Variants in WNT6 observed in about 807,000 individuals in gnomAD.
The protein encoded by WNT6 is Wnt family member 6, also known as protein Wnt-6.
WNT6 carries 27 observed loss-of-function variants against 33.1 expected under a neutral mutation model. The ratio of observed to expected loss-of-function variants is 0.82; its 90% CI spans 0.60 to 1.12. The LOEUF (loss-of-function observed/expected upper bound fraction) is 1.12, where lower values mean the gene tolerates loss of function less well. WNT6 is among the 50% of genes most tolerant of loss of function. The pLI, the probability that WNT6 is intolerant of heterozygous loss-of-function variation, is 0.00. For synonymous variants in WNT6, 249 were observed against 242.8 expected (o/e 1.03, Z -0.24); for missense variants, 494 against 535.3 (o/e 0.92, Z 0.76).
At chr2:218,862,629 C>T (rs542431259) in intron 1 of WNT6, among the ~76,000 whole-genome samples, 15 of 152,124 alleles carry the variant, frequency 9.9e-5, no homozygotes, top group African/African-American at 2.4e-4. Flanking sequence ...GTGATCTGCC[C>T]GCCTCGGCCT....
At position 218,871,374 on chromosome 2, in the gene WNT6, A is replaced by AAGG. The variant is rs1367252362; in HGVS notation, c.302-109_302-107dup. Reference sequence around the variant, plus strand: ...CCTCACATGTGTCTGGGCACCCTGCAAGGACCCTGCCTCCCAGGCCCCTGG... The same window carrying AAGG: ...CCTCACATGTGTCTGGGCACCCTGCAAGGAGGACCCTGCCTCCCAGGCCCCTGG... On this transcript the variant is annotated intron_variant, in intron 2 of 3. Transcript: ENST00000233948. The surrounding 1 kb of genome is among the most constrained non-coding windows in gnomAD (Gnocchi z 6.4). The AAGG allele has an allele frequency of 2.7e-6, 4 of 1,485,424 alleles. No individual in the cohort carries two copies. The Admixed American group carries it at 7.6e-5, about 28-fold the overall frequency. The allele number at this position is 1,485,424 out of a possible 1,614,324, so 92.0% of individuals were successfully genotyped here. A position where few individuals can be genotyped will look rare whatever the true frequency, so the allele number is the denominator to read the frequency against.
At chr2:218,861,244 C>G (rs1292049111) in intron 1 of WNT6, among the ~76,000 whole-genome samples, 2 of 152,138 alleles carry the variant, frequency 1.3e-5, no homozygotes, top group Non-Finnish European at 2.9e-5. Flanking sequence ...TGCGGAGAGC[C>G]GTCCGACGCT....
In WNT6 at chr2:218,873,943, A is replaced by C; in HGVS notation, c.*98A>C. 8.0e-7 allele frequency: 1 copy of C among 1,243,284 alleles called. No homozygotes were observed. The highest frequency in any genetic ancestry group is 1.7e-5 in the South Asian group (1 of 59,670). 77.0% of individuals were successfully genotyped at this position (1,243,284 alleles called of 1,614,324 possible). ...CGGGCGCCTCTCGCCGCTCGAGCCC[A>C]GCCTCTCCCTGCCAAAGCCCAACTC... On this transcript the variant is annotated 3_prime_UTR_variant, in exon 4 of 4. Coordinates refer to ENST00000233948, the MANE Select transcript of WNT6 (RefSeq NM_006522.4). The surrounding 1 kb of genome is among the most constrained non-coding windows in gnomAD (Gnocchi z 6.1).
rs997234763 is a variant in WNT6, at chr2:218,873,054, C to A, written c.637-330C>A. On this transcript the variant is annotated intron_variant, in intron 3 of 3. Transcript: ENST00000233948. The surrounding 1 kb of genome is among the most constrained non-coding windows in gnomAD (Gnocchi z 6.1). ...TAGACTTCGACAGCTGCCACCTCTC[C>A]CCTCCTCCAAAGAGAATCTCACCCC... 1.3e-5 allele frequency among the ~76,000 whole-genome samples: 2 copies of A among 152,064 alleles called. No homozygotes were observed. The highest frequency in any genetic ancestry group is 2.9e-5 in the Non-Finnish European group (2 of 67,994).
At position 218,873,825 on chromosome 2, in the gene WNT6, G is replaced by T; in HGVS notation, c.1078G>T (p.Glu360Ter). ...VQCHRCRVRKELSLCL is the reference protein window; with the variant it reads ...VQCHRCRVRK ...GTGCCACCGCTGCCGTGTGCGCAAGGAGCTCAGCCTCTGCCTGTGACCCGC... is the reference window on the plus strand; with the variant it reads ...GTGCCACCGCTGCCGTGTGCGCAAGTAGCTCAGCCTCTGCCTGTGACCCGC... Residue 360 changes from glutamate to a stop codon, truncating the protein, a stop_gained, in exon 4 of 4, where the codon GAG becomes TAG. Transcript: ENST00000233948. LOFTEE classifies it high-confidence loss of function. The surrounding 1 kb of genome is among the most constrained non-coding windows in gnomAD (Gnocchi z 6.1). 6.5e-7 allele frequency: 1 copy of T among 1,527,460 alleles called. No individual in the cohort carries two copies. The allele number at this position is 1,527,460 out of a possible 1,614,324, so 94.6% of individuals were successfully genotyped here. A position where few individuals can be genotyped will look rare whatever the true frequency, so the allele number is the denominator to read the frequency against.
chr2:218,866,729 T>C (rs1171761805), intron 1 of WNT6, among the ~76,000 whole-genome samples: 2 of 152,166 alleles, frequency 1.3e-5, no homozygotes, highest in Non-Finnish European at 1.5e-5. Flanking sequence ...TGCTAGGGAC[T>C]CACTCAACAT....
At chr2:218,862,203 G>C (rs1457427874) in intron 1 of WNT6, among the ~76,000 whole-genome samples, 1 of 152,154 alleles carries the variant, frequency 6.6e-6, no homozygotes, top group South Asian at 2.1e-4. Context: ...GGCGTGCCGG[G>C]TGAGGAGTGA....
At chr2:218,870,886 C>T in intron 1 of WNT6, 141 bp from the exon 2 acceptor site, 1 of 728,600 alleles carries the variant, frequency 1.4e-6, no homozygotes, top group South Asian at 1.8e-5. Context: ...CCAGACAGGA[C>T]AATCTCAAGC....
intron 3 of WNT6, among the ~76,000 whole-genome samples, chr2:218,872,486 C>T (rs566926634): frequency 2.6e-5 from 4 of 152,312 alleles, no homozygotes; most frequent in South Asian, 4.1e-4. Context: ...GCAGCCTCTC[C>T]TCTCCCCTCT....
intron 1 of WNT6, among the ~76,000 whole-genome samples, 154 bp downstream of exon 1, chr2:218,860,271 G>C (rs1037614018): frequency 7.9e-5 from 12 of 152,242 alleles, no homozygotes; most frequent in African/African-American, 2.9e-4. Context: ...ACTCCACTTC[G>C]ACGTTCCTAA....
rs1369314126 is a variant in WNT6 at position 218,860,096 on chromosome 2, C to T, written c.59C>T (p.Ala20Val). Residue 20 changes from alanine (A) to valine (V), a missense_variant, in exon 1 of 4, where the codon GCG (alanine) becomes GTG (valine). By Grantham distance (64) the Ala-to-Val change is moderately conservative. Transcript: ENST00000233948. ...CTGCTGCTGCTGCTCCTGTGCCCGG[C>T]GCACGTCGGCGGACTGTGGTGGTGA... The part of the protein sequence containing the change: ...GLLLLLLLCP[A>V]HVGGLWWAVG... 3 of 1,525,850 alleles carry T rather than the reference C, an allele frequency of 2.0e-6. No homozygotes were observed. The highest frequency in any genetic ancestry group is 2.6e-6 in the Non-Finnish European group (3 of 1,141,490). The allele number at this position is 1,525,850 out of a possible 1,614,324, so 94.5% of individuals were successfully genotyped here.
chr2:218,872,371 T>A (rs1023495399), intron 3 of WNT6, among the ~76,000 whole-genome samples: 1 of 151,816 alleles, frequency 6.6e-6, no homozygotes, highest in Non-Finnish European at 1.5e-5. Flanking sequence ...CTAGTGGAGG[T>A]TGGAGGGAGT....
intron 1 of WNT6, among the ~76,000 whole-genome samples, chr2:218,862,183 A>G (rs776809599): frequency 1.1e-4 from 16 of 152,154 alleles, no homozygotes; most frequent in Non-Finnish European, 2.2e-4. Context: ...CTTCATGGCC[A>G]CAGCTGCAGG....
chr2:218,863,777 A>G (rs191720905), intron 1 of WNT6, among the ~76,000 whole-genome samples: 3 of 152,286 alleles, frequency 2.0e-5, no homozygotes, highest in Non-Finnish European at 4.4e-5. Context: ...CGAACCTGGG[A>G]GGCTGAGGTT....
rs140404341 is a variant in WNT6, at chr2:218,871,197, G to A, written c.251G>A (p.Arg84His). 6.2e-7 allele frequency: 1 copy of A among 1,613,482 alleles called. No homozygotes were observed. Among genetic ancestry groups the A allele is most frequent in the African/African-American group, 1.3e-5 (1 of 75,054 alleles). ...RECQFQFRFR[R>H]WNCSSHSKAF... Reference sequence around the variant, plus strand: ...TGCCAGTTCCAGTTCCGCTTCCGCCGCTGGAATTGCTCCAGCCACAGCAAG... The same window carrying A: ...TGCCAGTTCCAGTTCCGCTTCCGCCACTGGAATTGCTCCAGCCACAGCAAG... Residue 84 changes from arginine (R) to histidine (H), a missense_variant, in exon 2 of 4, where the codon CGC (arginine) becomes CAC (histidine). Physicochemically the swap from Arg to His is conservative, Grantham distance 29 (BLOSUM62 0). Coordinates refer to ENST00000233948, the MANE Select transcript of WNT6 (RefSeq NM_006522.4). The surrounding 1 kb of genome is among the most constrained non-coding windows in gnomAD (Gnocchi z 6.4).
intron 1 of WNT6, among the ~76,000 whole-genome samples, chr2:218,864,376 C>T (rs1340324729): frequency 2.0e-5 from 3 of 152,148 alleles, no homozygotes; most frequent in Admixed American, 2.0e-4. Flanking sequence ...TCTCCTACCT[C>T]AGCCTCCTGA....
chr2:218,873,351 G>C lies in WNT6; in HGVS notation c.637-33G>C. 6.6e-7 allele frequency: 1 copy of C among 1,525,952 alleles called. No homozygotes were observed. The allele number at this position is 1,525,952 out of a possible 1,614,324, so 94.5% of individuals were successfully genotyped here. ...GGGCCCTTCCCTGCACCCCCTACCT[G>C]TCCACATGCGTCCGCCCCTCTGCCT... On this transcript the variant is annotated intron_variant, in intron 3 of 3. Transcript: ENST00000233948. The surrounding 1 kb of genome is among the most constrained non-coding windows in gnomAD (Gnocchi z 6.1).
Position 218,871,697 on chromosome 2 carries a change from T to C in WNT6, c.514T>C (p.Cys172Arg). 1.9e-6 allele frequency: 3 copies of C among 1,580,876 alleles called. No individual in the cohort carries two copies. Among genetic ancestry groups the C allele is most frequent in the Non-Finnish European group, 2.6e-6 (3 of 1,164,664 alleles). The change falls in exon 3 of 4, where the codon TGC becomes CGC. Residue 172 changes from cysteine to arginine, a missense_variant. By Grantham distance (180) the Cys-to-Arg change is radical (BLOSUM62 -3). Transcript: ENST00000233948. The surrounding 1 kb of genome is among the most constrained non-coding windows in gnomAD (Gnocchi z 6.4). ...CAGCGCCGCCTGGGAGTGGGGAGGC[T>C]GCGGCGACGACGTGGACTTCGGGGA... ...EGSAAWEWGG[C>R]GDDVDFGDEK...
Position 218,871,425 on chromosome 2 carries a change from G to A in WNT6, c.302-60G>A. 1 of 1,564,234 alleles carries A rather than the reference G, an allele frequency of 6.4e-7. No homozygotes were observed. The highest frequency in any genetic ancestry group is 8.6e-7 in the Non-Finnish European group (1 of 1,157,292). ...GGCAGCCCTCCCGCCGCAGGTTTCA[G>A]GTCCCAGGCCCCAGCTGACCGCCCC... is the stretch of plus-strand genomic sequence containing the variant. On this transcript the variant is annotated intron_variant, in intron 2 of 3. Transcript: ENST00000233948. This position sits in a 1 kb window ranked among gnomAD's most constrained non-coding sequence, Gnocchi z 6.4.
Sources: allele counts gnomAD v4.1 joint callset (sites outside exome capture counted in the v4.1 genomes callset), GRCh38; gene constraint gnomAD v4.1.1; non-coding constraint Gnocchi (gnomAD v3.1); transcripts MANE v1.5; gene names NCBI Gene and HGNC (gene_info 2026-07-23, HGNC 2026-07-21).